Variants in SLX4IP observed in about 807,000 individuals in gnomAD.
SLX4IP encodes the protein SLX4 interacting protein.
A neutral mutation model predicts 32.9 loss-of-function variants in SLX4IP; 34 were observed. The ratio of observed to expected loss-of-function variants is 1.03; its 90% CI spans 0.79 to 1.38. The LOEUF is 1.38. Ranked by LOEUF, SLX4IP falls within the 40% of genes most tolerant of loss-of-function variation. The pLI is 0.00. For missense variants in SLX4IP, 444 were observed against 479.0 expected, an observed-to-expected ratio of 0.93 and a Z score of 0.68; for synonymous variants, 172 against 171.7, an observed-to-expected ratio of 1.00 and a Z score of -0.01.
chr20:10,572,618 C>T (rs557424952), intron 4 of SLX4IP, among the ~76,000 whole-genome samples: 50 of 152,164 alleles, frequency 3.3e-4, no homozygotes, highest in African/African-American at 1.2e-3. Flanking sequence ...TCTGTATAAC[C>T]TTTTCTTGTA....
chr20:10,445,563 C>T (rs1447920185), intron 1 of SLX4IP, among the ~76,000 whole-genome samples: 1 of 151,310 alleles, frequency 6.6e-6, no homozygotes, highest in African/African-American at 2.4e-5. Context: ...GATCCGCCCG[C>T]CTCAGCCTCC....
chr20:10,542,383 A>G (rs1246380114), intron 2 of SLX4IP, among the ~76,000 whole-genome samples: 1 of 152,158 alleles, frequency 6.6e-6, no homozygotes. Flanking sequence ...GCCCTAGAGA[A>G]CTAAGGATTA....
At chr20:10,449,954 A>G (rs1302428859) in intron 1 of SLX4IP, among the ~76,000 whole-genome samples, 2 of 115,512 alleles carry the variant, frequency 1.7e-5, no homozygotes, top group East Asian at 5.4e-4. Context: ...GATAAAAGTA[A>G]AAAAAAAAAC....
intron 6 of SLX4IP, chr20:10,613,612 T>C: frequency 6.2e-7 from 1 of 1,613,704 alleles, no homozygotes; most frequent in Non-Finnish European, 8.5e-7. Context: ...TCCTTTCTGC[T>C]CATTTCTGCT....
chr20:10,527,697 G>C (rs765873437), intron 2 of SLX4IP, among the ~76,000 whole-genome samples: 10 of 150,928 alleles, frequency 6.6e-5, no homozygotes, highest in Admixed American at 1.3e-4. Flanking sequence ...TAATAAGGAA[G>C]AATAATTTGG....
intron 2 of SLX4IP, among the ~76,000 whole-genome samples, chr20:10,524,081 T>C (rs1005266726): frequency 8.5e-5 from 13 of 152,174 alleles, no homozygotes; most frequent in African/African-American, 3.1e-4. Context: ...GACTCTGCAC[T>C]GGGAGGCGTA....
chr20:10,467,935 C>T (rs1450102607), intron 2 of SLX4IP, among the ~76,000 whole-genome samples: 1 of 152,166 alleles, frequency 6.6e-6, no homozygotes, highest in Non-Finnish European at 1.5e-5. Context: ...GTCCTTTCCT[C>T]ATGTGATAAT....
intron 2 of SLX4IP, among the ~76,000 whole-genome samples, chr20:10,542,367 C>T (rs2066117064): frequency 6.6e-6 from 1 of 152,174 alleles, no homozygotes; most frequent in African/African-American, 2.4e-5. Context: ...TTCTCTATCC[C>T]TTAAGGCCCT....
intron 2 of SLX4IP, among the ~76,000 whole-genome samples, chr20:10,518,467 CCTTTCTTTTCCTTTCCTT>C (rs1568720181): frequency 4.2e-4 from 19 of 44,876 alleles, no homozygotes; most frequent in South Asian, 1.2e-3. Flanking sequence ...TCCTTCCTTT[CCTTTCTTTTCCTTTCCTT>C]TCCTTTTCCT....
chr20:10,472,227 T>C (rs2065430058), intron 2 of SLX4IP, among the ~76,000 whole-genome samples: 1 of 138,562 alleles, frequency 7.2e-6, no homozygotes, highest in African/African-American at 2.8e-5. Context: ...ATTTCCGTAA[T>C]ACTATACTTT....
chr20:10,512,017 G>T (rs1391401476), intron 2 of SLX4IP, among the ~76,000 whole-genome samples: 2 of 152,180 alleles, frequency 1.3e-5, no homozygotes, highest in African/African-American at 4.8e-5. Flanking sequence ...CAATGTCTCT[G>T]AGTTACTTGA....
intron 6 of SLX4IP, 33 bp from the exon 7 acceptor site, chr20:10,621,281 T>A (rs1266509053): frequency 1.3e-6 from 2 of 1,587,616 alleles, no homozygotes; most frequent in African/African-American, 2.7e-5. Flanking sequence ...GCTAATAGAT[T>A]TCTGGTTGAA....
At position 10,626,197 on chromosome 20, in the gene SLX4IP, T is replaced by G. The variant is rs1273834221; in HGVS notation, c.*2818T>G. The G allele has an allele frequency of 1.4e-5, 2 of 143,908 alleles. No individual in the cohort carries two copies. The highest frequency in any genetic ancestry group is 3.1e-5 in the Non-Finnish European group (2 of 65,414). The allele number at this position is 143,908 out of a possible 1,614,324, so 8.9% of individuals were successfully genotyped here. On this transcript the variant is annotated 3_prime_UTR_variant, in exon 8 of 8. Transcript: ENST00000334534. The stretch of plus-strand genomic sequence containing the variant: ...GCCCGGCTAATTTTTTGTATTTTTT[T>G]TTTTTTTTTTTTTTTTTTAGCAGAA...
At chr20:10,615,253 A>G (rs2067013058) in intron 6 of SLX4IP, among the ~76,000 whole-genome samples, 1 of 152,274 alleles carries the variant, frequency 6.6e-6, no homozygotes, top group East Asian at 1.9e-4. Context: ...AAAACAGCTT[A>G]TGTCAAAGTC....
At chr20:10,515,036 C>T (rs1240547386) in intron 2 of SLX4IP, among the ~76,000 whole-genome samples, 3 of 146,480 alleles carry the variant, frequency 2.0e-5, no homozygotes, top group Non-Finnish European at 4.5e-5. Context: ...AATTGAAGGT[C>T]GATGCGTCTT....
At chr20:10,567,508 T>C (rs1027312578) in intron 4 of SLX4IP, among the ~76,000 whole-genome samples, 4 of 152,304 alleles carry the variant, frequency 2.6e-5, no homozygotes, top group Non-Finnish European at 5.9e-5. Flanking sequence ...CCAGACCTGC[T>C]GGTGCCTGGT....
intron 3 of SLX4IP, 87 bp downstream of exon 3, chr20:10,556,407 G>C: frequency 7.5e-7 from 1 of 1,326,828 alleles, no homozygotes; most frequent in Non-Finnish European, 1.1e-6. Context: ...ATTTCTGTTA[G>C]TGGGAAAAAA....
Position 10,465,600 on chromosome 20 carries a change from G to T in SLX4IP, c.27+7369G>T, listed in dbSNP as rs145263510. 4.7e-3 allele frequency among the ~76,000 whole-genome samples: 715 copies of T among 152,328 alleles called. 5 individuals are homozygous for T. The highest frequency in any genetic ancestry group is 0.016 in the African/African-American group (657 of 41,586). On this transcript the variant is annotated intron_variant, in intron 2 of 7. Coordinates refer to ENST00000334534, the MANE Select transcript of SLX4IP (RefSeq NM_001009608.3). ...GGCTCACTGCAACCTCTGCCTCCCA[G>T]GTTCAAGTGATTCTCTTGTCTCAGC...
At chr20:10,561,536 TTC>T (rs1333561572) in intron 4 of SLX4IP, among the ~76,000 whole-genome samples, 1 of 145,614 alleles carries the variant, frequency 6.9e-6, no homozygotes, top group African/African-American at 2.7e-5. Context: ...ATATCTATTT[TTC>T]TTTTTTCTTT....
Sources: gnomAD v4.1 joint callset for allele counts (sites outside exome capture counted in the v4.1 genomes callset) on GRCh38, gnomAD v4.1.1 for gene constraint, MANE v1.5 for transcripts, NCBI Gene and HGNC (gene_info 2026-07-23, HGNC 2026-07-21) for gene names.